Variants in UBE2U observed in about 807,000 individuals in gnomAD.
The protein encoded by UBE2U is ubiquitin conjugating enzyme E2 U.
UBE2U carries 39 observed loss-of-function variants against 41.2 expected under a neutral mutation model. The ratio of observed to expected loss-of-function variants is 0.95; its 90% CI spans 0.73 to 1.24. UBE2U has a LOEUF of 1.24. UBE2U is among the 50% of genes most tolerant of loss of function. UBE2U has a pLI of 0.00. For missense variants in UBE2U, 336 were observed against 363.1 expected (o/e 0.93, Z 0.61); for synonymous variants, 107 against 117.8 (o/e 0.91, Z 0.60).
chr1:64,220,879 T>C lies in UBE2U; in HGVS notation c.478T>C (p.Leu160=). 6.2e-7 allele frequency: 1 copy of C among 1,607,046 alleles called. No individual in the cohort carries two copies. Among genetic ancestry groups the C allele is most frequent in the Non-Finnish European group, 8.5e-7 (1 of 1,177,978 alleles). The change falls in exon 6 of 10, where the codon TTA becomes CTA. Residue 160 remains leucine, a synonymous_variant. Coordinates refer to ENST00000371077, the MANE Select transcript of UBE2U (RefSeq NM_001366232.2). ...TATAGTGAAAGATGACAGCCAGGAG[T>C]TACCTAAAGACCCACGTAAATGTAT... ...PLQMKDDSQE[L]PKDPRKCIRP...
intron 8 of UBE2U, among the ~76,000 whole-genome samples, chr1:64,255,343 A>T (rs1425673766): frequency 1.3e-5 from 2 of 152,134 alleles, no homozygotes; most frequent in Non-Finnish European, 2.9e-5. Context: ...AGAGGTACAG[A>T]GAAGAGCTGG....
chr1:64,243,550 G>A (rs1211927852), intron 8 of UBE2U, among the ~76,000 whole-genome samples: 6 of 152,068 alleles, frequency 3.9e-5, no homozygotes, highest in African/African-American at 1.2e-4. Context: ...TTTAATATTC[G>A]AAAATGCTTT....
intron 8 of UBE2U, among the ~76,000 whole-genome samples, chr1:64,253,908 T>C (rs1645051005): frequency 6.6e-6 from 1 of 152,010 alleles, no homozygotes; most frequent in Non-Finnish European, 1.5e-5. Flanking sequence ...AAATCACACA[T>C]AACAATACTA....
chr1:64,252,457 C>T (rs1345478391), intron 8 of UBE2U, among the ~76,000 whole-genome samples: 1 of 152,188 alleles, frequency 6.6e-6, no homozygotes. Flanking sequence ...TGGGAGAGAC[C>T]TTCCAATAGG....
chr1:64,222,268 C>A (rs1652545625), intron 6 of UBE2U, among the ~76,000 whole-genome samples: 1 of 151,900 alleles, frequency 6.6e-6, no homozygotes. Flanking sequence ...ATAAAATAGG[C>A]CTATGATAAA....
intron 8 of UBE2U, among the ~76,000 whole-genome samples, chr1:64,247,950 C>T (rs934338471): frequency 6.6e-6 from 1 of 151,946 alleles, no homozygotes; most frequent in Non-Finnish European, 1.5e-5. Flanking sequence ...CACACCGGCT[C>T]CCCTTTACCT....
chr1:64,207,659 A>C (rs931351561), intron 3 of UBE2U, among the ~76,000 whole-genome samples: 1 of 152,228 alleles, frequency 6.6e-6, no homozygotes, highest in Non-Finnish European at 1.5e-5. Flanking sequence ...AAAGTTATAC[A>C]CAAAACCAAT....
chr1:64,241,529 T>C (rs987497097), intron 7 of UBE2U, 123 bp from the exon 8 acceptor site: 2 of 651,316 alleles, frequency 3.1e-6, no homozygotes, highest in Non-Finnish European at 5.3e-6. Context: ...ATGACTTGAA[T>C]TATATAGTGC....
At chr1:64,250,234 A>C (rs969603901) in intron 8 of UBE2U, among the ~76,000 whole-genome samples, 2 of 152,212 alleles carry the variant, frequency 1.3e-5, no homozygotes, top group African/African-American at 4.8e-5. Flanking sequence ...CCAACCACAT[A>C]GTTGAAATGA....
chr1:64,214,744 A>G, intron 4 of UBE2U, 71 bp from the exon 5 acceptor site: 1 of 1,101,556 alleles, frequency 9.1e-7, no homozygotes, highest in Non-Finnish European at 1.4e-6. Context: ...AAAGTTGTAT[A>G]TATTGGTTTG....
At chr1:64,265,073 G>C (rs2100563080) in intron 9 of UBE2U, among the ~76,000 whole-genome samples, 1 of 152,248 alleles carries the variant, frequency 6.6e-6, no homozygotes. Flanking sequence ...ATGAGATCTT[G>C]GTGAGAAGAT....
chr1:64,260,333 T>C (rs1170769019), intron 8 of UBE2U, among the ~76,000 whole-genome samples: 4 of 152,218 alleles, frequency 2.6e-5, no homozygotes, highest in South Asian at 2.1e-4. Context: ...ATGATGTTTT[T>C]ATTACTTTTA....
chr1:64,267,227 C>A lies in UBE2U; in HGVS notation c.*19C>A, dbSNP rs1645268410. The A allele has an allele frequency of 2.7e-6, 4 of 1,469,490 alleles. No homozygotes were observed. The East Asian group carries it at 1.0e-4, about 38-fold the overall frequency. The allele number at this position is 1,469,490 out of a possible 1,614,324, so 91.0% of individuals were successfully genotyped here. A position where few individuals can be genotyped will look rare whatever the true frequency, so the allele number is the denominator to read the frequency against. ...AGATTAAGCAGAACATTATCAGATT[C>A]AAAAAATAAACAGCCTCCGCCATAG... On this transcript the variant is annotated 3_prime_UTR_variant, in exon 10 of 10. Coordinates refer to ENST00000371077, the MANE Select transcript of UBE2U (RefSeq NM_001366232.2).
At chr1:64,242,433 G>A (rs948302145) in intron 8 of UBE2U, among the ~76,000 whole-genome samples, 12 of 152,138 alleles carry the variant, frequency 7.9e-5, no homozygotes, top group Non-Finnish European at 1.2e-4. Context: ...AAAGGTAGGG[G>A]AATTAAAGAT....
chr1:64,233,021 T>C (rs1270631878), intron 7 of UBE2U, among the ~76,000 whole-genome samples: 1 of 151,698 alleles, frequency 6.6e-6, no homozygotes, highest in East Asian at 1.9e-4. Flanking sequence ...CTTTTTTTTT[T>C]TTTCGAGATG....
At chr1:64,239,155 AGAAAGAAGAAGAAGAAGAAGAAG>A (rs1644766675) in intron 7 of UBE2U, among the ~76,000 whole-genome samples, 2 of 24,186 alleles carry the variant, frequency 8.3e-5, no homozygotes, top group East Asian at 2.4e-3. Context: ...AAGAAGAAGA[AGAAAGAAGAAGAAGAAGAAGAAG>A]AAGAAGAAGA....
chr1:64,266,340 A>G (rs1303440708), intron 9 of UBE2U, among the ~76,000 whole-genome samples: 2 of 152,296 alleles, frequency 1.3e-5, no homozygotes, highest in African/African-American at 4.8e-5. Context: ...TCTGTATACT[A>G]TAACATTGTG....
At chr1:64,221,769 C>G (rs775869262) in intron 6 of UBE2U, among the ~76,000 whole-genome samples, 2 of 152,108 alleles carry the variant, frequency 1.3e-5, no homozygotes, top group Non-Finnish European at 2.9e-5. Context: ...CCTTGACTAG[C>G]TCTGTATAAA....
chr1:64,244,532 A>G (rs1441989591), intron 8 of UBE2U, among the ~76,000 whole-genome samples: 1 of 152,178 alleles, frequency 6.6e-6, no homozygotes, highest in East Asian at 1.9e-4. Flanking sequence ...AACAACACCT[A>G]TCATAACTAC....
Sources: gnomAD v4.1 joint callset for allele counts (sites outside exome capture counted in the v4.1 genomes callset) on GRCh38, gnomAD v4.1.1 for gene constraint, MANE v1.5 for transcripts, NCBI Gene and HGNC (gene_info 2026-07-23, HGNC 2026-07-21) for gene names.